The following NEMP2 variants were observed in gnomAD, a reference collection of about 807,000 sequenced individuals.
NEMP2 encodes nuclear envelope integral membrane protein 2, also known as UPF0571 transmembrane protein.
NEMP2 carries 53 observed loss-of-function variants against 54.2 expected under a neutral mutation model. The observed-to-expected ratio is 0.98, with a 90% CI of 0.78 to 1.23. The LOEUF (loss-of-function observed/expected upper bound fraction) is 1.23. NEMP2 is among the 50% of genes most tolerant of loss of function. NEMP2 has a pLI of 0.00. For missense variants in NEMP2, 455 were observed against 511.3 expected (o/e 0.89, Z 1.06); for synonymous variants, 197 against 190.3 (o/e 1.04, Z -0.29).
At chr2:190,474,437 C>A in the NEMP2 span, among the ~76,000 whole-genome samples, 1 of 152,168 alleles carries the variant, frequency 6.6e-6, no homozygotes, top group African/African-American at 2.4e-5. Context: ...ACTATAAACA[C>A]CTCTATGCAA....
At chr2:190,571,008 C>T in the NEMP2 span, among the ~76,000 whole-genome samples, 184 of 152,234 alleles carry the variant, frequency 1.2e-3, 1 homozygote, top group African/African-American at 4.4e-3. Flanking sequence ...ATGATTTAGG[C>T]ACTGTGGATA....
the NEMP2 span, among the ~76,000 whole-genome samples, chr2:190,470,862 G>A: frequency 6.6e-6 from 1 of 151,788 alleles, no homozygotes; most frequent in Non-Finnish European, 1.5e-5. Flanking sequence ...CTAATTGAAA[G>A]GAGATATAAT....
chr2:190,479,689 G>A, the NEMP2 span, among the ~76,000 whole-genome samples: 1 of 152,128 alleles, frequency 6.6e-6, no homozygotes, highest in Non-Finnish European at 1.5e-5. Flanking sequence ...CTATTAAAAT[G>A]TATCTGATGA....
chr2:190,434,684 A>G, the NEMP2 span, among the ~76,000 whole-genome samples: 7 of 152,284 alleles, frequency 4.6e-5, no homozygotes, highest in African/African-American at 7.2e-5. The surrounding 1 kb of genome is among the most constrained non-coding windows in gnomAD (Gnocchi z 4.3). Context: ...CGCCCCCCTC[A>G]GCCTCCCAAA....
the NEMP2 span, among the ~76,000 whole-genome samples, chr2:190,462,107 G>T: frequency 6.6e-6 from 1 of 152,090 alleles, no homozygotes; most frequent in Non-Finnish European, 1.5e-5. This position sits in a 1 kb window ranked among gnomAD's most constrained non-coding sequence, Gnocchi z 5.7. Context: ...CATTGTTCGT[G>T]ATTTGCTGTC....
At chr2:190,620,380 A>G in the NEMP2 span, 2 of 152,224 alleles carry the variant, frequency 1.3e-5, no homozygotes, top group Non-Finnish European at 2.9e-5. This position sits in a 1 kb window ranked among gnomAD's most constrained non-coding sequence, Gnocchi z 4.9. Flanking sequence ...AGGAAAAGAG[A>G]GAGAAAAGTT....
In NEMP2 at chr2:190,513,030, T is replaced by C. The variant is rs1407122136; in HGVS notation, c.953+1423A>G. ...TCTTCTAGCCTTGGTCTCATGGTCC[T>C]ACCCTAGGCCCTCATCAGCTCTCGC... On this transcript the variant is annotated intron_variant, in intron 7 of 8. Transcript: ENST00000409150. This position sits in a 1 kb window ranked among gnomAD's most constrained non-coding sequence, Gnocchi z 5.3. 6.6e-6 allele frequency among the ~76,000 whole-genome samples: 1 copy of C among 152,180 alleles called. No individual in the cohort carries two copies. The highest frequency in any genetic ancestry group is 1.5e-5 in the Non-Finnish European group (1 of 68,016).
Position 190,511,165 on chromosome 2 carries a change from TG to T in NEMP2, c.954-629del, listed in dbSNP as rs552361685. On this transcript the variant is annotated intron_variant, in intron 7 of 8. Transcript: ENST00000409150. ...AGGCAATTAAAAGCTTGTTTTGTTT[TG>T]TTTTTTTATGCTTGGCCTGTTGATT... Among the ~76,000 whole-genome samples the T allele has an allele frequency of 7.2e-5, 11 of 152,338 alleles. No individual in the cohort carries two copies. The South Asian group carries it at 2.3e-3, about 32-fold the overall frequency.
the NEMP2 span, chr2:190,465,042 G>GA: frequency 6.9e-6 from 3 of 435,482 alleles, no homozygotes; most frequent in Non-Finnish European, 9.2e-6. This position sits in a 1 kb window ranked among gnomAD's most constrained non-coding sequence, Gnocchi z 4.6. Flanking sequence ...GAACACTCTT[G>GA]AAAAAAATAC....
the NEMP2 span, among the ~76,000 whole-genome samples, chr2:190,600,792 T>A: frequency 3.3e-5 from 5 of 152,118 alleles, no homozygotes; most frequent in African/African-American, 1.2e-4. This position sits in a 1 kb window ranked among gnomAD's most constrained non-coding sequence, Gnocchi z 4.9. Context: ...CTTTATAAAT[T>A]ACCTCAGCCT....
chr2:190,434,710 G>A, the NEMP2 span, among the ~76,000 whole-genome samples: 1 of 152,172 alleles, frequency 6.6e-6, no homozygotes, highest in African/African-American at 2.4e-5. This position sits in a 1 kb window ranked among gnomAD's most constrained non-coding sequence, Gnocchi z 4.3. Context: ...GGGATTACAG[G>A]TGTGAGCCAC....
At chr2:190,582,690 CTG>C in the NEMP2 span, among the ~76,000 whole-genome samples, 1 of 152,144 alleles carries the variant, frequency 6.6e-6, no homozygotes, top group Non-Finnish European at 1.5e-5. This position sits in a 1 kb window ranked among gnomAD's most constrained non-coding sequence, Gnocchi z 4.6. Flanking sequence ...GCATCAGACT[CTG>C]TACGAGCAAG....
the NEMP2 span, among the ~76,000 whole-genome samples, chr2:190,580,174 T>G: frequency 6.6e-6 from 1 of 152,106 alleles, no homozygotes; most frequent in Non-Finnish European, 1.5e-5. The surrounding 1 kb of genome is among the most constrained non-coding windows in gnomAD (Gnocchi z 5.3). Context: ...AGCAAGGCTG[T>G]AGGTGAAAGC....
At chr2:190,425,229 A>T in the NEMP2 span, among the ~76,000 whole-genome samples, 1 of 152,198 alleles carries the variant, frequency 6.6e-6, no homozygotes, top group Non-Finnish European at 1.5e-5. This position sits in a 1 kb window ranked among gnomAD's most constrained non-coding sequence, Gnocchi z 4.3. Flanking sequence ...TATTAGTTCT[A>T]GAAGTTTATT....
At chr2:190,479,511 C>G in the NEMP2 span, among the ~76,000 whole-genome samples, 5 of 152,104 alleles carry the variant, frequency 3.3e-5, no homozygotes, top group Admixed American at 3.3e-4. Context: ...TTGTTTTGTA[C>G]AAAGAACAAT....
At chr2:190,537,911 T>C (rs1691429846), upstream of NEMP2, among the ~76,000 whole-genome samples, 1 of 152,170 alleles carries the variant, frequency 6.6e-6, no homozygotes, top group Non-Finnish European at 1.5e-5. Flanking sequence ...TATCATGGGC[T>C]GCACCTAGGA....
the NEMP2 span, among the ~76,000 whole-genome samples, chr2:190,491,100 T>C: frequency 6.6e-6 from 1 of 152,172 alleles, no homozygotes; most frequent in Admixed American, 6.5e-5. This position sits in a 1 kb window ranked among gnomAD's most constrained non-coding sequence, Gnocchi z 4.2. Context: ...TTGCTATTAA[T>C]CACAAAAAAA....
chr2:190,489,734 G>T, the NEMP2 span: 2 of 1,582,824 alleles, frequency 1.3e-6, no homozygotes, highest in Non-Finnish European at 1.7e-6. This position sits in a 1 kb window ranked among gnomAD's most constrained non-coding sequence, Gnocchi z 6.6. Context: ...GCATTTCTTG[G>T]AATTACTCTA....
chr2:190,495,935 A>T, the NEMP2 span, among the ~76,000 whole-genome samples: 2 of 152,222 alleles, frequency 1.3e-5, no homozygotes, highest in African/African-American at 4.8e-5. This position sits in a 1 kb window ranked among gnomAD's most constrained non-coding sequence, Gnocchi z 4.7. Flanking sequence ...GCTTAGGCAG[A>T]GATTTCGTGA....
Sources: gnomAD v4.1 joint callset for allele counts (sites outside exome capture counted in the v4.1 genomes callset) on GRCh38, gnomAD v4.1.1 for gene constraint, Gnocchi (gnomAD v3.1) non-coding constraint, MANE v1.5 for transcripts, NCBI Gene and HGNC (gene_info 2026-07-23, HGNC 2026-07-21) for gene names.